The following GPC6 variants were observed in gnomAD, a reference collection of about 807,000 sequenced individuals.
GPC6 encodes the protein glypican 6, also known as glypican-6.
A neutral mutation model predicts 55.2 loss-of-function variants in GPC6; 14 were observed. The ratio of observed to expected loss-of-function variants is 0.25; its 90% CI spans 0.17 to 0.40. The LOEUF (loss-of-function observed/expected upper bound fraction) is 0.40, where lower values mean the gene tolerates loss of function less well. Among genes scored for constraint, GPC6 ranks in the 10% least tolerant of loss-of-function variants. The pLI is 1.00. For missense variants in GPC6, 641 were observed against 708.5 expected (o/e 0.90, Z 1.08); for synonymous variants, 278 against 259.6 (o/e 1.07, Z -0.68).
At chr13:93,884,678 C>T (rs1566585682) in intron 3 of GPC6, among the ~76,000 whole-genome samples, 1 of 152,048 alleles carries the variant, frequency 6.6e-6, no homozygotes, top group African/African-American at 2.4e-5. Context: ...ATATCATTTA[C>T]AAATATAGCT....
intron 2 of GPC6, among the ~76,000 whole-genome samples, chr13:93,789,556 A>G (rs1215272218): frequency 8.4e-6 from 1 of 118,620 alleles, no homozygotes; most frequent in Non-Finnish European, 1.8e-5. Context: ...ATAGGGACTT[A>G]GTTAATAATA....
intron 1 of GPC6, among the ~76,000 whole-genome samples, chr13:93,539,377 T>C (rs1882194428): frequency 6.6e-6 from 1 of 152,134 alleles, no homozygotes; most frequent in African/African-American, 2.4e-5. Context: ...GGAATACCCT[T>C]GTAGTTGAAC....
At chr13:93,978,227 A>G (rs1880611800) in intron 3 of GPC6, among the ~76,000 whole-genome samples, 1 of 152,210 alleles carries the variant, frequency 6.6e-6, no homozygotes, top group Non-Finnish European at 1.5e-5. Context: ...TAAAGCCTCC[A>G]GAGAGGAATG....
chr13:93,249,422 G>A (rs181099968), intron 1 of GPC6, among the ~76,000 whole-genome samples: 13 of 152,180 alleles, frequency 8.5e-5, no homozygotes, highest in African/African-American at 2.2e-4. Context: ...GTTTAGTTTC[G>A]TCCTCTGTTG....
At chr13:93,930,631 C>A (rs965443152) in intron 3 of GPC6, among the ~76,000 whole-genome samples, 1 of 151,896 alleles carries the variant, frequency 6.6e-6, no homozygotes, top group Non-Finnish European at 1.5e-5. Flanking sequence ...ACCAAAAAAA[C>A]CACTCTAGCA....
At chr13:93,571,424 T>G (rs1224097074) in intron 2 of GPC6, among the ~76,000 whole-genome samples, 5 of 152,142 alleles carry the variant, frequency 3.3e-5, no homozygotes, top group Non-Finnish European at 5.9e-5. Context: ...TTGGTTCACT[T>G]AAGATTGTAA....
intron 6 of GPC6, among the ~76,000 whole-genome samples, chr13:94,373,557 G>A (rs998538376): frequency 3.9e-5 from 6 of 152,158 alleles, no homozygotes; most frequent in Non-Finnish European, 8.8e-5. Context: ...AGAAATATGG[G>A]ACTATGTGAA....
chr13:94,202,311 C>T (rs1889777479), intron 4 of GPC6, among the ~76,000 whole-genome samples: 1 of 152,140 alleles, frequency 6.6e-6, no homozygotes, highest in Non-Finnish European at 1.5e-5. Flanking sequence ...ACTCTGTTCT[C>T]ATGCTGCTGA....
intron 4 of GPC6, among the ~76,000 whole-genome samples, chr13:94,228,993 G>T (rs1482382624): frequency 6.6e-6 from 1 of 152,062 alleles, no homozygotes; most frequent in Non-Finnish European, 1.5e-5. Flanking sequence ...GTCTAAATAT[G>T]GTAATGTGAA....
intron 3 of GPC6, among the ~76,000 whole-genome samples, chr13:93,915,388 CTT>C (rs899677456): frequency 6.6e-6 from 1 of 152,182 alleles, no homozygotes; most frequent in African/African-American, 2.4e-5. Flanking sequence ...GATAGGTACT[CTT>C]TTCCCTGTAC....
chr13:93,468,021 A>AT (rs1339008756), intron 1 of GPC6, among the ~76,000 whole-genome samples: 1 of 151,938 alleles, frequency 6.6e-6, no homozygotes, highest in Non-Finnish European at 1.5e-5. Flanking sequence ...AAAATTTTTG[A>AT]TTTTTTTATC....
At chr13:93,441,447 G>A (rs1283360992) in intron 1 of GPC6, among the ~76,000 whole-genome samples, 1 of 152,200 alleles carries the variant, frequency 6.6e-6, no homozygotes, top group African/African-American at 2.4e-5. Context: ...GATGGCCAGT[G>A]ATGATGAGCA....
At chr13:93,236,426 G>C (rs1457532724) in intron 1 of GPC6, among the ~76,000 whole-genome samples, 1 of 151,858 alleles carries the variant, frequency 6.6e-6, no homozygotes. Flanking sequence ...ATTATACCAG[G>C]GATCCCCAAC....
chr13:93,750,288 T>C (rs1242871621), intron 2 of GPC6, among the ~76,000 whole-genome samples: 1 of 152,200 alleles, frequency 6.6e-6, no homozygotes, highest in African/African-American at 2.4e-5. Context: ...TCTACTTGGC[T>C]ATTTCTAGTA....
intron 2 of GPC6, among the ~76,000 whole-genome samples, chr13:93,737,407 C>T (rs146857134): frequency 2.0e-5 from 3 of 152,176 alleles, no homozygotes; most frequent in East Asian, 1.9e-4. Flanking sequence ...AGATAGCCCC[C>T]GTTCTCAAAG....
At chr13:93,518,078 A>G (rs950520975) in intron 1 of GPC6, among the ~76,000 whole-genome samples, 10 of 151,934 alleles carry the variant, frequency 6.6e-5, no homozygotes, top group African/African-American at 1.7e-4. Context: ...TTATTCATTT[A>G]TCAAACAGTT....
chr13:94,086,980 A>G (rs1290870660), intron 4 of GPC6, among the ~76,000 whole-genome samples: 1 of 152,174 alleles, frequency 6.6e-6, no homozygotes, highest in Non-Finnish European at 1.5e-5. Flanking sequence ...TTTTTCAGGA[A>G]GCTTAACGTT....
intron 3 of GPC6, among the ~76,000 whole-genome samples, chr13:93,903,315 A>T (rs547856579): frequency 6.6e-6 from 1 of 152,258 alleles, no homozygotes; most frequent in South Asian, 2.1e-4. Context: ...CAGTAACTTC[A>T]TGGTTTAGAC....
chr13:94,317,648 A>G (rs987300573), intron 6 of GPC6, among the ~76,000 whole-genome samples: 4 of 152,338 alleles, frequency 2.6e-5, no homozygotes, highest in South Asian at 2.1e-4. Flanking sequence ...AAGGATCCTC[A>G]TGCTCTCTTT....
Sources: gnomAD v4.1 joint callset for allele counts (sites outside exome capture counted in the v4.1 genomes callset) on GRCh38, gnomAD v4.1.1 for gene constraint, MANE v1.5 for transcripts, NCBI Gene and HGNC (gene_info 2026-07-23, HGNC 2026-07-21) for gene names.